Variants in PDE7B observed in about 807,000 individuals in gnomAD.
The protein encoded by PDE7B is phosphodiesterase 7B, also known as 3',5'-cyclic-AMP phosphodiesterase 7B.
Under a neutral mutation model 56.2 loss-of-function variants are expected in PDE7B, and 29 were observed. That is an observed-to-expected ratio of 0.52 (90% CI 0.38 to 0.70). PDE7B has a LOEUF of 0.70. PDE7B is among the 30% of genes least tolerant of loss of function. The pLI is 0.00. For synonymous variants in PDE7B, 197 were observed against 196.9 expected (o/e 1.00, Z 0.00); for missense variants, 490 against 565.0 (o/e 0.87, Z 1.35).
intron 2 of PDE7B, among the ~76,000 whole-genome samples, chr6:135,957,115 T>C (rs1263474552): frequency 6.6e-6 from 1 of 152,034 alleles, no homozygotes; most frequent in Admixed American, 6.6e-5. Flanking sequence ...ATGGTCCCCG[T>C]GGGCGAGGAA....
At chr6:136,155,277 C>T (rs1304931655) in intron 7 of PDE7B, among the ~76,000 whole-genome samples, 1 of 152,178 alleles carries the variant, frequency 6.6e-6, no homozygotes, top group Non-Finnish European at 1.5e-5. Flanking sequence ...ACACATTTCT[C>T]TAGGAGCAAG....
At chr6:135,943,143 G>C (rs1051911704) in intron 1 of PDE7B, among the ~76,000 whole-genome samples, 7 of 152,166 alleles carry the variant, frequency 4.6e-5, no homozygotes, top group Non-Finnish European at 7.3e-5. Context: ...TACTGGATCA[G>C]TTAAATTTGT....
In PDE7B at chr6:136,031,808, A is replaced by G. The variant is rs547758191; in HGVS notation, c.83-76923A>G. Among the ~76,000 whole-genome samples the G allele has an allele frequency of 4.0e-5, 6 of 150,390 alleles. No homozygotes were observed. The East Asian group carries it at 1.2e-3, about 29-fold the overall frequency. On this transcript the variant is annotated intron_variant, in intron 2 of 12. Coordinates refer to ENST00000308191, the MANE Select transcript of PDE7B (RefSeq NM_018945.4). ...TCACTTTCCTTTTGTTATGTCATTT[A>G]TATAAAAAATCTTTCTATATCTTAT...
intron 1 of PDE7B, among the ~76,000 whole-genome samples, chr6:135,898,758 G>A (rs1192020530): frequency 6.6e-6 from 1 of 152,108 alleles, no homozygotes; most frequent in East Asian, 1.9e-4. Flanking sequence ...GCATTATGAA[G>A]AACCCTAGCA....
intron 2 of PDE7B, among the ~76,000 whole-genome samples, chr6:136,068,532 A>ACCATTCTC (rs1181118846): frequency 7.0e-6 from 1 of 143,128 alleles, no homozygotes; most frequent in Non-Finnish European, 1.5e-5. Context: ...CCGGGTTCAC[A>ACCATTCTC]CCATTCTCCT....
chr6:135,890,617 C>A (rs1775794037), intron 1 of PDE7B, among the ~76,000 whole-genome samples: 1 of 152,130 alleles, frequency 6.6e-6, no homozygotes, highest in Non-Finnish European at 1.5e-5. Context: ...TCCCTGAGAT[C>A]ATTATATATC....
chr6:135,921,475 G>A (rs1209648041), intron 1 of PDE7B, among the ~76,000 whole-genome samples: 2 of 152,018 alleles, frequency 1.3e-5, no homozygotes, highest in Non-Finnish European at 1.5e-5. Flanking sequence ...ATCAGTGCAT[G>A]GAAATTCCCT....
intron 1 of PDE7B, among the ~76,000 whole-genome samples, chr6:135,888,667 T>C (rs1445173509): frequency 1.3e-5 from 2 of 151,564 alleles, no homozygotes; most frequent in African/African-American, 4.8e-5. Context: ...TTATAAAAAA[T>C]AAGTAGTATA....
rs758945511 is a variant in PDE7B at position 136,187,016 on chromosome 6, CTT to C, written c.1046-18_1046-17del. The C allele has an allele frequency of 8.6e-6, 11 of 1,279,476 alleles. No individual in the cohort carries two copies. In the African/African-American group the frequency reaches 1.6e-4, roughly 19 times the overall value. 79.3% of individuals were successfully genotyped at this position (1,279,476 alleles called of 1,614,324 possible). A position where few individuals can be genotyped will look rare whatever the true frequency, so the allele number is the denominator to read the frequency against. On this transcript the variant is annotated intron_variant, in intron 11 of 12. Transcript: ENST00000308191. Reference sequence around the variant, plus strand: ...TTCTAGATTACCAATGTGTTTTTTTCTTTCTTTCTTTCTTCTTAGGTGAACTT... The same window carrying C: ...TTCTAGATTACCAATGTGTTTTTTTCTCTTTCTTTCTTCTTAGGTGAACTT...
chr6:136,096,970 C>T (rs1235526863), intron 2 of PDE7B, among the ~76,000 whole-genome samples: 1 of 152,082 alleles, frequency 6.6e-6, no homozygotes, highest in African/African-American at 2.4e-5. Flanking sequence ...CCACAAAATC[C>T]ATCTGGAAAC....
At chr6:136,066,697 C>T (rs1776941833) in intron 2 of PDE7B, among the ~76,000 whole-genome samples, 1 of 151,984 alleles carries the variant, frequency 6.6e-6, no homozygotes, top group Non-Finnish European at 1.5e-5. Context: ...GATAAATACT[C>T]TTTAAAAAGA....
chr6:135,942,385 A>G (rs1055582912), intron 1 of PDE7B, among the ~76,000 whole-genome samples: 2 of 152,180 alleles, frequency 1.3e-5, no homozygotes, highest in African/African-American at 4.8e-5. Flanking sequence ...TTAAAATTAT[A>G]TATATCTATT....
At chr6:136,025,796 C>G (rs1776140499) in intron 2 of PDE7B, among the ~76,000 whole-genome samples, 1 of 152,240 alleles carries the variant, frequency 6.6e-6, no homozygotes, top group Non-Finnish European at 1.5e-5. Flanking sequence ...GGACAGAAAT[C>G]AGCCTAGGGC....
chr6:136,170,473 C>A (rs1290693093), intron 8 of PDE7B, among the ~76,000 whole-genome samples: 13 of 152,224 alleles, frequency 8.5e-5, no homozygotes, highest in Admixed American at 6.5e-4. Flanking sequence ...TCCCCTTAGT[C>A]CCTGGCAACC....
At chr6:136,041,737 G>A (rs1254316166) in intron 2 of PDE7B, among the ~76,000 whole-genome samples, 1 of 152,222 alleles carries the variant, frequency 6.6e-6, no homozygotes, top group East Asian at 1.9e-4. Flanking sequence ...TTATTTAATT[G>A]TGTTAATACT....
intron 2 of PDE7B, among the ~76,000 whole-genome samples, chr6:135,983,910 T>C (rs1193147619): frequency 6.6e-6 from 1 of 152,276 alleles, no homozygotes; most frequent in African/African-American, 2.4e-5. Flanking sequence ...ATTTCCCATA[T>C]GTGTGTGTTT....
intron 2 of PDE7B, among the ~76,000 whole-genome samples, chr6:135,958,432 A>C (rs540243148): frequency 1.3e-5 from 2 of 152,114 alleles, no homozygotes; most frequent in Non-Finnish European, 2.9e-5. Flanking sequence ...TAGGCTTTCT[A>C]TTGGAAGGAG....
intron 1 of PDE7B, among the ~76,000 whole-genome samples, chr6:135,857,860 A>G (rs895011900): frequency 6.6e-6 from 1 of 152,226 alleles, no homozygotes; most frequent in African/African-American, 2.4e-5. Flanking sequence ...GTATAAATAC[A>G]TAGACACATT....
At chr6:135,998,386 T>C (rs892283775) in intron 2 of PDE7B, among the ~76,000 whole-genome samples, 1 of 152,200 alleles carries the variant, frequency 6.6e-6, no homozygotes, top group African/African-American at 2.4e-5. Context: ...CTTATAAAAA[T>C]ATGTCTTGGT....
Sources: allele counts gnomAD v4.1 joint callset (sites outside exome capture counted in the v4.1 genomes callset), GRCh38; gene constraint gnomAD v4.1.1; transcripts MANE v1.5; gene names NCBI Gene and HGNC (gene_info 2026-07-23, HGNC 2026-07-21).